The following ARHGEF33 variants were observed in gnomAD, a reference collection of about 807,000 sequenced individuals.
The protein encoded by ARHGEF33 is Rho guanine nucleotide exchange factor 33.
Under a neutral mutation model 101.9 loss-of-function variants are expected in ARHGEF33, and 72 were observed. The ratio of observed to expected loss-of-function variants is 0.71; its 90% confidence interval spans 0.58 to 0.86. ARHGEF33 has a LOEUF of 0.86. Ranked by LOEUF, ARHGEF33 falls within the 40% of genes least tolerant of loss-of-function variation. ARHGEF33 has a pLI of 0.00. For synonymous variants in ARHGEF33, 499 were observed against 442.5 expected, an observed-to-expected ratio of 1.13 and a Z score of -1.60; for missense variants, 1,169 against 1,111.3, an observed-to-expected ratio of 1.05 and a Z score of -0.74.
intron 4 of ARHGEF33, among the ~76,000 whole-genome samples, chr2:38,922,991 TCTGTTCTCATCTGAC>T (rs557215344): frequency 6.6e-6 from 1 of 152,338 alleles, no homozygotes; most frequent in Admixed American, 6.5e-5. Flanking sequence ...CCACTTCCCC[TCTGTTCTCATCTGAC>T]CTGTGTATAA....
chr2:38,903,192 A>G lies in ARHGEF33; in HGVS notation c.-86+7343A>G, dbSNP rs17422748. Among the ~76,000 whole-genome samples the G allele has an allele frequency of 2.0e-5, 3 of 152,120 alleles. No individual in the cohort carries two copies. The East Asian group carries it at 5.8e-4, about 29-fold the overall frequency. On this transcript the variant is annotated intron_variant, in intron 2 of 17. Coordinates refer to ENST00000409978, the MANE Select transcript of ARHGEF33 (RefSeq NM_001145451.5). ...TTTAATGACTTCTCAAGTGTGTTGCATCTACTTATTTATTTAATTTTTACC... is the reference window on the plus strand; with the variant it reads ...TTTAATGACTTCTCAAGTGTGTTGCGTCTACTTATTTATTTAATTTTTACC...
At chr2:38,940,801 A>C (rs1374691381) in intron 9 of ARHGEF33, among the ~76,000 whole-genome samples, 2 of 152,178 alleles carry the variant, frequency 1.3e-5, no homozygotes, top group Non-Finnish European at 2.9e-5. Flanking sequence ...TACTCAAATC[A>C]ATCTCCCTGA....
chr2:38,953,235 T>C lies in ARHGEF33; in HGVS notation c.1127T>C (p.Val376Ala). The change falls in exon 12 of 18, where the codon GTC becomes GCC. Residue 376 changes from valine (V) to alanine (A), a missense_variant. Physicochemically the swap from Val to Ala is moderately conservative, Grantham distance 64 (BLOSUM62 0). Transcript: ENST00000409978. ...PECISLVHVVVLKEGDEEIKS... is the reference protein window; with the variant it reads ...PECISLVHVVALKEGDEEIKS... ...TGCATCTCATTGGTTCATGTTGTAG[T>C]CCTGAAAGAGGTGAGTTAACGCCAT... 6 of 1,529,766 alleles carry C rather than the reference T, an allele frequency of 3.9e-6. No homozygotes were observed. The highest frequency in any genetic ancestry group is 5.3e-6 in the Non-Finnish European group (6 of 1,126,638). The allele number at this position is 1,529,766 out of a possible 1,614,324, so 94.8% of individuals were successfully genotyped here. A position where few individuals can be genotyped will look rare whatever the true frequency, so the allele number is the denominator to read the frequency against.
intron 2 of ARHGEF33, among the ~76,000 whole-genome samples, chr2:38,911,632 C>T (rs1228335457): frequency 6.6e-6 from 1 of 152,132 alleles, no homozygotes; most frequent in Non-Finnish European, 1.5e-5. Context: ...ATGGCTATAA[C>T]TTCTTATTGT....
intron 2 of ARHGEF33, among the ~76,000 whole-genome samples, chr2:38,897,060 T>G (rs1264189104): frequency 2.6e-5 from 4 of 152,090 alleles, no homozygotes; most frequent in African/African-American, 7.2e-5. Context: ...GGACTATAGG[T>G]GCACACCACC....
intron 2 of ARHGEF33, 141 bp downstream of exon 2, chr2:38,895,990 C>T (rs1394097893): frequency 1.3e-5 from 2 of 152,058 alleles, no homozygotes; most frequent in African/African-American, 2.4e-5. Context: ...GTTTGATAAC[C>T]ATCAAATAAA....
At chr2:38,927,662 C>T (rs548701455) in intron 4 of ARHGEF33, among the ~76,000 whole-genome samples, 12 of 152,350 alleles carry the variant, frequency 7.9e-5, no homozygotes, top group African/African-American at 2.9e-4. Context: ...TGCCACTGCA[C>T]TCCAGCCTGG....
chr2:38,935,933 T>C, intron 8 of ARHGEF33, 99 bp downstream of exon 8: 2 of 969,746 alleles, frequency 2.1e-6, no homozygotes, highest in Admixed American at 2.2e-5. Flanking sequence ...AAACCAGGCA[T>C]GAAAGAACTC....
chr2:38,965,621 T>C (rs1048319549), intron 16 of ARHGEF33, among the ~76,000 whole-genome samples: 3 of 152,234 alleles, frequency 2.0e-5, no homozygotes, highest in African/African-American at 7.2e-5. Context: ...AAGAGGGGAC[T>C]GCTACTGGTT....
chr2:38,937,892 G>C (rs1572759707), intron 9 of ARHGEF33, among the ~76,000 whole-genome samples: 2 of 152,122 alleles, frequency 1.3e-5, no homozygotes, highest in East Asian at 3.8e-4. Context: ...TTCATCAACA[G>C]TCTACCACCA....
chr2:38,928,729 T>C (rs1475076511), intron 4 of ARHGEF33, 178 bp from the exon 5 acceptor site: 3 of 486,814 alleles, frequency 6.2e-6, no homozygotes, highest in Non-Finnish European at 1.1e-5. Context: ...AGACACTCTT[T>C]TTCTTAGATA....
intron 1 of ARHGEF33, among the ~76,000 whole-genome samples, chr2:38,892,595 CAA>C (rs1666029804): frequency 6.6e-6 from 1 of 152,274 alleles, no homozygotes; most frequent in Admixed American, 6.5e-5. Context: ...TTGACAAAAA[CAA>C]AAGTTAAGGC....
chr2:38,889,919 T>G lies in ARHGEF33; in HGVS notation c.-226T>G, dbSNP rs1189797305. ...CTCTCTACTGCTTCTTTTTATAACC[T>G]TTAAGTTAATTCAGAACCCAGATAA... is the stretch of plus-strand genomic sequence containing the variant. On this transcript the variant is annotated 5_prime_UTR_variant, in exon 1 of 18. Coordinates refer to ENST00000409978, the MANE Select transcript of ARHGEF33 (RefSeq NM_001145451.5). 1 of 470,894 alleles carries G rather than the reference T, an allele frequency of 2.1e-6. No individual in the cohort carries two copies. Among genetic ancestry groups the G allele is most frequent in the Admixed American group, 2.4e-5 (1 of 42,544 alleles). 29.2% of individuals were successfully genotyped at this position (470,894 alleles called of 1,614,324 possible).
In ARHGEF33 at chr2:38,974,024, T is replaced by G; in HGVS notation, c.*181T>G. 1 of 319,756 alleles carries G rather than the reference T, an allele frequency of 3.1e-6. No individual in the cohort carries two copies. Among genetic ancestry groups the G allele is most frequent in the Non-Finnish European group, 4.7e-6 (1 of 212,064 alleles). The allele number at this position is 319,756 out of a possible 1,614,324, so 19.8% of individuals were successfully genotyped here. A position where few individuals can be genotyped will look rare whatever the true frequency, so the allele number is the denominator to read the frequency against. On this transcript the variant is annotated 3_prime_UTR_variant, in exon 18 of 18. Transcript: ENST00000409978. The stretch of plus-strand genomic sequence containing the variant: ...CTAAACATACAAGACATTGAAGAGA[T>G]GAAGATTAGTTTCTGGTTAAGATCT...
At chr2:38,937,916 T>G (rs1259854132) in intron 9 of ARHGEF33, among the ~76,000 whole-genome samples, 1 of 152,184 alleles carries the variant, frequency 6.6e-6, no homozygotes, top group Non-Finnish European at 1.5e-5. Context: ...TATCACACAC[T>G]GCAACACAGC....
intron 9 of ARHGEF33, among the ~76,000 whole-genome samples, chr2:38,940,696 G>T (rs1479723174): frequency 6.6e-6 from 1 of 152,150 alleles, no homozygotes; most frequent in Non-Finnish European, 1.5e-5. Context: ...CCGGCTTGCT[G>T]TGCAGGTGGA....
intron 2 of ARHGEF33, among the ~76,000 whole-genome samples, chr2:38,918,868 C>A (rs967689131): frequency 6.9e-6 from 1 of 144,758 alleles, no homozygotes; most frequent in Non-Finnish European, 1.5e-5. Flanking sequence ...TAGGGAGACC[C>A]CATCTCTACA....
chr2:38,932,837 A>G (rs1186955966), intron 7 of ARHGEF33, among the ~76,000 whole-genome samples: 1 of 152,234 alleles, frequency 6.6e-6, no homozygotes, highest in East Asian at 1.9e-4. Flanking sequence ...TCAATGAACT[A>G]TTTAGTGGCA....
rs769675225 is a variant in ARHGEF33, at chr2:38,960,324, G to A, written c.2019G>A (p.Leu673=). The A allele has an allele frequency of 3.0e-5, 47 of 1,541,612 alleles. No homozygotes were observed. The highest frequency in any genetic ancestry group is 3.9e-5 in the Non-Finnish European group (45 of 1,145,782). The change falls in exon 16 of 18, where the codon CTG becomes CTA. Residue 673 remains leucine, a synonymous_variant. Transcript: ENST00000409978. ...AGGCCGAGCGGCCGGAGCACCCGCTGCAGCCGCTGCCCAAGAGCGCTACGT... is the reference window on the plus strand; with the variant it reads ...AGGCCGAGCGGCCGGAGCACCCGCTACAGCCGCTGCCCAAGAGCGCTACGT... The part of the protein sequence containing the change: ...AMEAERPEHP[L]QPLPKSATSP...
Sources: allele counts gnomAD v4.1 joint callset (sites outside exome capture counted in the v4.1 genomes callset), GRCh38; gene constraint gnomAD v4.1.1; transcripts MANE v1.5; gene names NCBI Gene and HGNC (gene_info 2026-07-23, HGNC 2026-07-21).